CSRP1: variants seen among roughly 807,000 people sequenced by gnomAD.
CSRP1 encodes cysteine and glycine rich protein 1.
A neutral mutation model predicts 25.4 loss-of-function variants in CSRP1; 16 were observed. That is an observed-to-expected ratio of 0.63 (90% CI 0.43 to 0.96). CSRP1 has a LOEUF of 0.96. CSRP1 is among the 40% of genes least tolerant of loss of function. The pLI, the probability that CSRP1 is intolerant of heterozygous loss-of-function variation, is 0.00. For synonymous variants in CSRP1, 97 were observed against 95.3 expected, an observed-to-expected ratio of 1.02 and a Z score of -0.10; for missense variants, 212 against 243.6, an observed-to-expected ratio of 0.87 and a Z score of 0.86.
At chr1:201,505,254 C>T (rs993819557) in intron 1 of CSRP1, among the ~76,000 whole-genome samples, 1 of 152,202 alleles carries the variant, frequency 6.6e-6, no homozygotes, top group Non-Finnish European at 1.5e-5. Flanking sequence ...TGCTACCCCA[C>T]TCATTCATCA....
chr1:201,505,379 A>G (rs1376075136), intron 1 of CSRP1, among the ~76,000 whole-genome samples: 1 of 152,208 alleles, frequency 6.6e-6, no homozygotes, highest in Non-Finnish European at 1.5e-5. Flanking sequence ...AAAAGAGCAA[A>G]CACCTGGGCC....
In CSRP1 at chr1:201,484,531, T is replaced by G; in HGVS notation, c.*182A>C. On this transcript the variant is annotated 3_prime_UTR_variant, in exon 6 of 6. Coordinates refer to ENST00000340006, the MANE Select transcript of CSRP1 (RefSeq NM_004078.3). ...TCAGATCCCAGGCCTGGGGAGCCCT[T>G]TAGTGGGGTGGGACCTCAGGCAGAC... The G allele has an allele frequency of 1.6e-6, 1 of 615,550 alleles. No individual in the cohort carries two copies. The highest frequency in any genetic ancestry group is 2.9e-6 in the Non-Finnish European group (1 of 345,308). 38.1% of individuals were successfully genotyped at this position (615,550 alleles called of 1,614,324 possible).
At chr1:201,498,338 G>A (rs1304326289) in intron 1 of CSRP1, among the ~76,000 whole-genome samples, 5 of 152,248 alleles carry the variant, frequency 3.3e-5, no homozygotes, top group Non-Finnish European at 7.3e-5. Flanking sequence ...AGTGGGTACA[G>A]GCTTGGTGCC....
At chr1:201,486,489 C>G in intron 4 of CSRP1, 2 of 985,584 alleles carry the variant, frequency 2.0e-6, no homozygotes, top group Non-Finnish European at 2.4e-6. Flanking sequence ...TAACCTTGCA[C>G]ATTGGCTTCT....
At chr1:201,485,404 C>T (rs1664102659) in intron 4 of CSRP1, 28 bp from the exon 5 acceptor site, 4 of 1,602,970 alleles carry the variant, frequency 2.5e-6, no homozygotes, top group Non-Finnish European at 2.6e-6. Flanking sequence ...TAGTTAATGG[C>T]TGCCACCAGT....
At chr1:201,498,664 T>A (rs1664581301) in intron 1 of CSRP1, among the ~76,000 whole-genome samples, 1 of 152,250 alleles carries the variant, frequency 6.6e-6, no homozygotes, top group Non-Finnish European at 1.5e-5. Context: ...TTCACCACTC[T>A]GTCCCCATGC....
In CSRP1 at chr1:201,488,943, T is replaced by C; in HGVS notation, c.323A>G (p.Lys108Arg). The C allele has an allele frequency of 6.2e-7, 1 of 1,614,080 alleles. No individual in the cohort carries two copies. Among genetic ancestry groups the C allele is most frequent in the South Asian group, 1.1e-5 (1 of 91,074 alleles). ...HRPTTNPNAS[K>R]FAQKIGGSER... ...GGAGCCACCAATCTTCTGGGCAAAT[T>C]TGGATGCATTGGGGTTGGTGGTGGG... The change falls in exon 4 of 6, where the codon AAA becomes AGA. Residue 108 changes from lysine (K) to arginine (R), a missense_variant. By Grantham distance (26) the Lys-to-Arg change is conservative. Coordinates refer to ENST00000340006, the MANE Select transcript of CSRP1 (RefSeq NM_004078.3).
chr1:201,485,167 G>T, intron 5 of CSRP1, 116 bp downstream of exon 5: 1 of 891,006 alleles, frequency 1.1e-6, no homozygotes, highest in Non-Finnish European at 1.9e-6. Context: ...CATACTAGAT[G>T]TTCAGATCTT....
chr1:201,501,591 T>C (rs979210967), intron 1 of CSRP1, among the ~76,000 whole-genome samples: 52 of 152,210 alleles, frequency 3.4e-4, no homozygotes, highest in African/African-American at 1.2e-3. Flanking sequence ...GTTAGGACTG[T>C]ACCCAGATCC....
chr1:201,491,488 T>C (rs1664337110), intron 2 of CSRP1: 1 of 152,104 alleles, frequency 6.6e-6, no homozygotes, highest in Non-Finnish European at 1.5e-5. Flanking sequence ...GAGAATCAAA[T>C]GAGATCTGAC....
chr1:201,494,002 C>T (rs1664421227), intron 2 of CSRP1, among the ~76,000 whole-genome samples: 1 of 152,140 alleles, frequency 6.6e-6, no homozygotes, highest in South Asian at 2.1e-4. Flanking sequence ...CCACTTGGTG[C>T]TCTGATATCC....
rs535286688 is a variant in CSRP1 at position 201,484,676 on chromosome 1, C to T, written c.*37G>A. 54 of 1,571,806 alleles carry T rather than the reference C, an allele frequency of 3.4e-5. No individual in the cohort carries two copies. Among genetic ancestry groups the T allele is most frequent in the Middle Eastern group, 1.7e-4 (1 of 5,864 alleles). On this transcript the variant is annotated 3_prime_UTR_variant, in exon 6 of 6. Transcript: ENST00000340006. ...CTGGGAATGGAATGGCGATGAAAAG[C>T]GCAGGAGTGGGCAGGGTGTGGTGGG...
intron 1 of CSRP1, among the ~76,000 whole-genome samples, chr1:201,499,783 G>A (rs533330743): frequency 6.6e-5 from 10 of 152,058 alleles, no homozygotes; most frequent in South Asian, 4.2e-4. Context: ...CACCATACCC[G>A]GCTAATTTTT....
At position 201,499,393 on chromosome 1, in the gene CSRP1, G is replaced by A. The variant is rs114179377; in HGVS notation, c.-1-3089C>T. ...ATGGAGATTCCATTCCCTTGCCAGT[G>A]GCTGGATCAGGAACAGGCTGAGACC... On this transcript the variant is annotated intron_variant, in intron 1 of 5. Coordinates refer to ENST00000340006, the MANE Select transcript of CSRP1 (RefSeq NM_004078.3). Among the ~76,000 whole-genome samples the A allele has an allele frequency of 5.4e-3, 826 of 152,322 alleles. 7 individuals are homozygous for A. The highest frequency in any genetic ancestry group is 0.019 in the African/African-American group (785 of 41,578).
chr1:201,485,527 G>A, intron 4 of CSRP1, 151 bp from the exon 5 acceptor site: 1 of 661,996 alleles, frequency 1.5e-6, no homozygotes, highest in South Asian at 1.8e-5. Flanking sequence ...CATGGCCTAT[G>A]GTGCAAGGCA....
rs1340612804 is a variant in CSRP1, at chr1:201,483,966, C to T, written c.*747G>A. On this transcript the variant is annotated 3_prime_UTR_variant, in exon 6 of 6. Coordinates refer to ENST00000340006, the MANE Select transcript of CSRP1 (RefSeq NM_004078.3). ...TGAAGATTTGAGCCATTGATAAATG[C>T]CAATATATGTTTCAGGTATTTCATT... The T allele has an allele frequency of 4.4e-6, 3 of 685,826 alleles. No individual in the cohort carries two copies. Among genetic ancestry groups the T allele is most frequent in the Non-Finnish European group, 5.4e-6 (2 of 371,566 alleles). 42.5% of individuals were successfully genotyped at this position (685,826 alleles called of 1,614,324 possible).
intron 4 of CSRP1, chr1:201,487,202 G>A: frequency 3.5e-6 from 1 of 285,766 alleles, no homozygotes; most frequent in East Asian, 1.2e-4. Context: ...GTGAGGTCCA[G>A]GCTGGTTCAA....
chr1:201,485,199 G>A (rs1664093965), intron 5 of CSRP1, 84 bp downstream of exon 5: 2 of 1,148,144 alleles, frequency 1.7e-6, no homozygotes, highest in Admixed American at 3.4e-5. Flanking sequence ...CCAGGAATTA[G>A]TTTACATTCA....
At chr1:201,490,998 CAG>C (rs1384325327) in intron 2 of CSRP1, 1 of 152,230 alleles carries the variant, frequency 6.6e-6, no homozygotes, top group Non-Finnish European at 1.5e-5. Flanking sequence ...GGGTCAGACA[CAG>C]AAGAACTTCC....
Sources: gnomAD v4.1 joint callset for allele counts (sites outside exome capture counted in the v4.1 genomes callset) on GRCh38, gnomAD v4.1.1 for gene constraint, MANE v1.5 for transcripts, NCBI Gene and HGNC (gene_info 2026-07-23, HGNC 2026-07-21) for gene names.